SNX27: variants seen among roughly 807,000 people sequenced by gnomAD.
SNX27 encodes sorting nexin 27.
A neutral mutation model predicts 71.6 loss-of-function variants in SNX27; 22 were observed. The ratio of observed to expected loss-of-function variants is 0.31; its 90% CI spans 0.22 to 0.44. The LOEUF (loss-of-function observed/expected upper bound fraction) is 0.44, where lower values mean the gene tolerates loss of function less well. Among genes scored for constraint, SNX27 ranks in the 20% least tolerant of loss-of-function variants. The pLI, the probability that SNX27 is intolerant of heterozygous loss-of-function variation, is 1.00. For missense variants in SNX27, 531 were observed against 698.6 expected, an observed-to-expected ratio of 0.76 and a Z score of 2.70; for synonymous variants, 269 against 277.2, an observed-to-expected ratio of 0.97 and a Z score of 0.29.
At chr1:151,636,497 G>T (rs1225005229) in intron 1 of SNX27, among the ~76,000 whole-genome samples, 1 of 151,806 alleles carries the variant, frequency 6.6e-6, no homozygotes, top group Non-Finnish European at 1.5e-5. Flanking sequence ...TAGAGACGGG[G>T]TTTCACCATG....
intron 2 of SNX27, among the ~76,000 whole-genome samples, chr1:151,641,694 T>TCATATATATCTGATATATATAG (rs1668757824): frequency 1.6e-5 from 2 of 127,628 alleles, no homozygotes; most frequent in Admixed American, 8.7e-5. Flanking sequence ...GATATATATA[T>TCATATATATCTGATATATATAG]CATATATATG....
At chr1:151,684,630 G>A (rs972310353) in intron 8 of SNX27, among the ~76,000 whole-genome samples, 1 of 151,912 alleles carries the variant, frequency 6.6e-6, no homozygotes, top group South Asian at 2.1e-4. Flanking sequence ...CTTACGATGG[G>A]GTTACATCCC....
At chr1:151,620,586 TATAC>T (rs1185040497) in intron 1 of SNX27, among the ~76,000 whole-genome samples, 1 of 152,234 alleles carries the variant, frequency 6.6e-6, no homozygotes, top group African/African-American at 2.4e-5. Context: ...TTTAAATGAC[TATAC>T]TTACTATTGT....
chr1:151,692,471 G>C lies in SNX27; in HGVS notation c.1276G>C (p.Glu426Gln). The C allele has an allele frequency of 8.6e-7, 1 of 1,162,356 alleles. No homozygotes were observed. Among genetic ancestry groups the C allele is most frequent in the Non-Finnish European group, 1.2e-6 (1 of 858,142 alleles). 72.0% of individuals were successfully genotyped at this position (1,162,356 alleles called of 1,614,324 possible). Residue 426 changes from glutamate (E) to glutamine (Q), a missense_variant, in exon 9 of 12, where the codon GAA becomes CAA. Physicochemically the swap from Glu to Gln is conservative, Grantham distance 29. This residue lies in a region of SNX27 where 157 missense variants were observed against 178.4 expected (regional missense o/e 0.88). Transcript: ENST00000458013. ...GCTAAGGACTTGTGAGGGCTACAAT[G>C]AAATCATCTTTCCCCACTGTGCCTG... ...NMLRTCEGYN[E>Q]IIFPHCACDS... is the part of the protein sequence containing the mutation.
Position 151,626,410 on chromosome 1 carries a change from G to A in SNX27, c.312-12478G>A, listed in dbSNP as rs538104351. Among the ~76,000 whole-genome samples, 17 of 152,024 alleles carry A rather than the reference G, an allele frequency of 1.1e-4. No homozygotes were observed. In the South Asian group the frequency reaches 3.5e-3, roughly 32 times the overall value. Reference sequence around the variant, plus strand: ...GTCTCTTTCTAAAAAAGAATAATTTGTCAGAATTATTGCATTAAAAGAATG... The same window carrying A: ...GTCTCTTTCTAAAAAAGAATAATTTATCAGAATTATTGCATTAAAAGAATG... On this transcript the variant is annotated intron_variant, in intron 1 of 11. Coordinates refer to ENST00000458013, the MANE Select transcript of SNX27 (RefSeq NM_001330723.2).
intron 11 of SNX27, 161 bp from the exon 12 acceptor site, chr1:151,694,209 G>A: frequency 2.2e-6 from 3 of 1,383,562 alleles, no homozygotes. Flanking sequence ...GTCCCTTCCG[G>A]CTCTAAAAGG....
intron 2 of SNX27, among the ~76,000 whole-genome samples, chr1:151,654,140 G>A (rs922589271): frequency 6.6e-6 from 1 of 152,120 alleles, no homozygotes; most frequent in African/African-American, 2.4e-5. Context: ...CGACCCTGGA[G>A]GGTTTTTTTC....
rs372418970 is a variant in SNX27 at position 151,666,054 on chromosome 1, A to G, written c.985+43A>G. Reference sequence around the variant, plus strand: ...ATACTAAGTTTTGTTTTCTAATACTATGAGAAAGAAACATTTACCTAGAGA... The same window carrying G: ...ATACTAAGTTTTGTTTTCTAATACTGTGAGAAAGAAACATTTACCTAGAGA... On this transcript the variant is annotated intron_variant, in intron 6 of 11. Coordinates refer to ENST00000458013, the MANE Select transcript of SNX27 (RefSeq NM_001330723.2). The G allele has an allele frequency of 9.4e-6, 14 of 1,484,214 alleles. No homozygotes were observed. In the African/African-American group the frequency reaches 1.7e-4, roughly 18 times the overall value. 91.9% of individuals were successfully genotyped at this position (1,484,214 alleles called of 1,614,324 possible). A position where few individuals can be genotyped will look rare whatever the true frequency, so the allele number is the denominator to read the frequency against.
At chr1:151,628,284 G>C (rs1251398575) in intron 1 of SNX27, among the ~76,000 whole-genome samples, 2 of 152,162 alleles carry the variant, frequency 1.3e-5, no homozygotes, top group East Asian at 3.9e-4. Context: ...TGGGATTGCA[G>C]GCATGAGCCA....
chr1:151,670,266 A>C (rs1264859782), intron 7 of SNX27, among the ~76,000 whole-genome samples: 1 of 152,176 alleles, frequency 6.6e-6, no homozygotes, highest in African/African-American at 2.4e-5. Flanking sequence ...ATTGTGTGTA[A>C]GTACCACATT....
At chr1:151,674,181 TCTTA>T (rs1172309388) in intron 7 of SNX27, among the ~76,000 whole-genome samples, 2 of 152,136 alleles carry the variant, frequency 1.3e-5, no homozygotes, top group Non-Finnish European at 2.9e-5. Flanking sequence ...TGATTTAGTT[TCTTA>T]CTTTTTATTT....
chr1:151,668,565 G>A lies in SNX27; in HGVS notation c.1079G>A (p.Trp360Ter). 6.2e-7 allele frequency: 1 copy of A among 1,613,770 alleles called. No individual in the cohort carries two copies. Among genetic ancestry groups the A allele is most frequent in the Non-Finnish European group, 8.5e-7 (1 of 1,179,850 alleles). ...VPGTCLTIRK[W>*]LFTTEEEILL... ...GGCACCTGCTTGACCATTCGAAAGT[G>A]GCTTTTTACAACAGAAGAAGAAATT... is the stretch of plus-strand genomic sequence containing the variant. Residue 360 changes from tryptophan (W) to a stop codon, truncating the protein, a stop_gained, in exon 7 of 12, where the codon TGG becomes TAG. Transcript: ENST00000458013. LOFTEE classifies it high-confidence loss of function.
intron 8 of SNX27, among the ~76,000 whole-genome samples, chr1:151,687,990 A>G (rs1011312909): frequency 1.3e-5 from 2 of 150,768 alleles, no homozygotes; most frequent in African/African-American, 2.4e-5. Context: ...AAACTGCCCT[A>G]TGTCTGTATT....
rs147810661 is a variant in SNX27, at chr1:151,643,638, A to G, written c.543+4519A>G. Reference sequence around the variant, plus strand: ...TGATTTATATACCATACGTTCACCTAAAGTGCACAATTTAGGGTTTTTTTT... The same window carrying G: ...TGATTTATATACCATACGTTCACCTGAAGTGCACAATTTAGGGTTTTTTTT... On this transcript the variant is annotated intron_variant, in intron 2 of 11. Coordinates refer to ENST00000458013, the MANE Select transcript of SNX27 (RefSeq NM_001330723.2). 2.0e-5 allele frequency among the ~76,000 whole-genome samples: 3 copies of G among 151,642 alleles called. No individual in the cohort carries two copies. In the East Asian group the frequency reaches 5.9e-4, roughly 30 times the overall value.
chr1:151,624,412 TA>T (rs1667824329), intron 1 of SNX27, among the ~76,000 whole-genome samples: 1 of 46,294 alleles, frequency 2.2e-5, no homozygotes, highest in African/African-American at 6.0e-5. Flanking sequence ...CTTGATTTTA[TA>T]TATATATATA....
At chr1:151,682,651 A>G (rs182609062) in intron 7 of SNX27, among the ~76,000 whole-genome samples, 13 of 152,304 alleles carry the variant, frequency 8.5e-5, no homozygotes, top group Non-Finnish European at 1.8e-4. Context: ...GAAACTTACA[A>G]TCATGGCATA....
chr1:151,681,823 CCAG>C, intron 7 of SNX27, among the ~76,000 whole-genome samples: 1 of 151,640 alleles, frequency 6.6e-6, no homozygotes, highest in African/African-American at 2.4e-5. Flanking sequence ...GTCTGCCTAT[CCAG>C]CATTATCTTT....
chr1:151,693,515 T>A lies in SNX27; in HGVS notation c.1578+32T>A, dbSNP rs769744016. Reference sequence around the variant, plus strand: ...CTGAACAGTCCTTGAATTGACCTTTTCATCTTTTTGTTTCTTTAAAATTTA... The same window carrying A: ...CTGAACAGTCCTTGAATTGACCTTTACATCTTTTTGTTTCTTTAAAATTTA... On this transcript the variant is annotated intron_variant, in intron 11 of 11. Transcript: ENST00000458013. The A allele has an allele frequency of 7.4e-6, 12 of 1,613,760 alleles. No homozygotes were observed. The Admixed American group carries it at 1.7e-4, about 22-fold the overall frequency.
intron 1 of SNX27, among the ~76,000 whole-genome samples, chr1:151,614,970 A>G (rs1366767739): frequency 6.6e-6 from 1 of 152,218 alleles, no homozygotes; most frequent in African/African-American, 2.4e-5. Context: ...GCCTAGGTAT[A>G]AACTGTAAAG....
Sources: gnomAD v4.1 joint callset for allele counts (sites outside exome capture counted in the v4.1 genomes callset) on GRCh38, gnomAD v4.1.1 for gene constraint, gnomAD v4.1.1 regional missense constraint, MANE v1.5 for transcripts, NCBI Gene and HGNC (gene_info 2026-07-23, HGNC 2026-07-21) for gene names.